Variants in CDH11 observed in about 807,000 individuals in gnomAD.
CDH11 encodes cadherin-11.
A neutral mutation model predicts 67.8 loss-of-function variants in CDH11; 11 were observed. That is an observed-to-expected ratio of 0.16 (90% CI 0.10 to 0.27). The LOEUF is 0.27. Ranked by LOEUF, CDH11 falls within the 10% of genes least tolerant of loss-of-function variation. CDH11 has a pLI of 1.00. For synonymous variants in CDH11, 419 were observed against 400.0 expected (o/e 1.05, Z -0.57); for missense variants, 847 against 1,031.2 (o/e 0.82, Z 2.45).
At chr16:65,023,804 G>A (rs920746088) in intron 2 of CDH11, among the ~76,000 whole-genome samples, 1 of 152,182 alleles carries the variant, frequency 6.6e-6, no homozygotes, top group Non-Finnish European at 1.5e-5. Context: ...GAGCAGTGAG[G>A]ATGACCAGAG....
intron 6 of CDH11, among the ~76,000 whole-genome samples, chr16:64,989,189 G>A (rs1032446550): frequency 1.3e-5 from 2 of 152,104 alleles, no homozygotes; most frequent in African/African-American, 4.8e-5. Context: ...GAGAGTGGGT[G>A]TGTGGTTGTG....
intron 1 of CDH11, among the ~76,000 whole-genome samples, chr16:65,082,066 C>T (rs899730856): frequency 1.3e-5 from 2 of 152,260 alleles, no homozygotes; most frequent in African/African-American, 4.8e-5. Context: ...TGAATTCCTT[C>T]CCAGAGGCCA....
At chr16:65,020,798 TAGAC>T (rs941057674) in intron 2 of CDH11, among the ~76,000 whole-genome samples, 4 of 152,160 alleles carry the variant, frequency 2.6e-5, no homozygotes, top group Non-Finnish European at 5.9e-5. Context: ...CAAATACAAA[TAGAC>T]AGAAGAAGAT....
chr16:65,004,570 C>G, intron 3 of CDH11, 72 bp downstream of exon 3: 1 of 1,484,204 alleles, frequency 6.7e-7, no homozygotes, highest in Non-Finnish European at 9.0e-7. Context: ...GGGCCTTTTG[C>G]TTCTTTCTGG....
chr16:65,112,069 C>CAAAA (rs35671651), intron 1 of CDH11, among the ~76,000 whole-genome samples: 4 of 91,270 alleles, frequency 4.4e-5, no homozygotes, highest in African/African-American at 8.7e-5. Context: ...GACTCTGTCT[C>CAAAA]AAAAAAAAAA....
intron 2 of CDH11, among the ~76,000 whole-genome samples, chr16:65,008,201 T>G (rs1287339472): frequency 6.6e-6 from 1 of 152,250 alleles, no homozygotes; most frequent in Non-Finnish European, 1.5e-5. Flanking sequence ...TTTTCTTTTA[T>G]AAAAAATGTC....
intron 1 of CDH11, among the ~76,000 whole-genome samples, chr16:65,078,772 T>C (rs371657373): frequency 1.3e-5 from 2 of 152,196 alleles, no homozygotes; most frequent in South Asian, 2.1e-4. Context: ...CTAGACAGAC[T>C]CCAGATCCTC....
At chr16:65,042,213 A>G (rs959784474) in intron 2 of CDH11, among the ~76,000 whole-genome samples, 39 of 152,224 alleles carry the variant, frequency 2.6e-4, no homozygotes, top group African/African-American at 9.4e-4. Context: ...TAAACTTCAC[A>G]GGGCTTAGAA....
At chr16:64,954,397 T>C (rs2071446908) in intron 11 of CDH11, among the ~76,000 whole-genome samples, 1 of 152,208 alleles carries the variant, frequency 6.6e-6, no homozygotes, top group South Asian at 2.1e-4. Flanking sequence ...ACTTTTCCCA[T>C]CTAGAGCCCC....
intron 2 of CDH11, among the ~76,000 whole-genome samples, chr16:65,049,106 G>T (rs2074012998): frequency 6.6e-6 from 1 of 152,058 alleles, no homozygotes; most frequent in Non-Finnish European, 1.5e-5. Context: ...TCATTATTTT[G>T]GTGATGGGTG....
rs891067381 is a variant in CDH11 at position 65,121,564 on chromosome 16, G to C, written c.-298+316C>G. ...GCTCTGCAGTCTCTTGCCCCAGCCAGGTACAAACCCCCTCTGCTGTGGCCT... is the reference window on the plus strand; with the variant it reads ...GCTCTGCAGTCTCTTGCCCCAGCCACGTACAAACCCCCTCTGCTGTGGCCT... On this transcript the variant is annotated intron_variant, in intron 1 of 12. Coordinates refer to ENST00000268603, the MANE Select transcript of CDH11 (RefSeq NM_001797.4). This position sits in a 1 kb window ranked among gnomAD's most constrained non-coding sequence, Gnocchi z 4.1. 2.4e-4 allele frequency among the ~76,000 whole-genome samples: 37 copies of C among 152,186 alleles called. No individual in the cohort carries two copies.
At chr16:64,981,122 T>TCCC (rs753246536) in intron 8 of CDH11, 3 of 127,636 alleles carry the variant, frequency 2.4e-5, no homozygotes, top group African/African-American at 8.5e-5. Context: ...TTTTTTTTTT[T>TCCC]TGAGACAGGG....
At chr16:65,072,505 G>A (rs2074435381) in intron 1 of CDH11, among the ~76,000 whole-genome samples, 2 of 151,970 alleles carry the variant, frequency 1.3e-5, no homozygotes, top group Non-Finnish European at 2.9e-5. Context: ...GCATCTTCTT[G>A]TCCAATTTTT....
At chr16:65,033,398 T>TTCTGA (rs2073685571) in intron 2 of CDH11, among the ~76,000 whole-genome samples, 1 of 152,194 alleles carries the variant, frequency 6.6e-6, no homozygotes, top group South Asian at 2.1e-4. Flanking sequence ...ATGATGAAGC[T>TTCTGA]ACATTCATTT....
intron 7 of CDH11, among the ~76,000 whole-genome samples, chr16:64,984,090 T>C (rs540625742): frequency 5.9e-5 from 9 of 152,310 alleles, no homozygotes; most frequent in African/African-American, 1.9e-4. Flanking sequence ...GGATGTACTT[T>C]CCCAGTTTGG....
chr16:65,105,444 C>T (rs1419810372), intron 1 of CDH11, among the ~76,000 whole-genome samples: 1 of 152,178 alleles, frequency 6.6e-6, no homozygotes, highest in Non-Finnish European at 1.5e-5. Context: ...CCTCCCAGGG[C>T]AACAGTCACA....
intron 2 of CDH11, among the ~76,000 whole-genome samples, chr16:65,047,058 G>A (rs1308155255): frequency 2.6e-5 from 4 of 152,194 alleles, no homozygotes; most frequent in Non-Finnish European, 5.9e-5. Flanking sequence ...AAGTTGCAGT[G>A]AGCCAAGACT....
At chr16:64,988,507 A>G (rs994086674) in intron 6 of CDH11, among the ~76,000 whole-genome samples, 163 bp from the exon 7 acceptor site, 2 of 152,308 alleles carry the variant, frequency 1.3e-5, no homozygotes, top group East Asian at 1.9e-4. Flanking sequence ...AGGATCCCAC[A>G]TGGCCTGCTT....
At chr16:65,109,628 T>C (rs766793684) in intron 1 of CDH11, among the ~76,000 whole-genome samples, 1 of 152,006 alleles carries the variant, frequency 6.6e-6, no homozygotes, top group Non-Finnish European at 1.5e-5. Context: ...ATGCCGAGAG[T>C]TCCTATGTAT....
Sources: allele counts gnomAD v4.1 joint callset (sites outside exome capture counted in the v4.1 genomes callset), GRCh38; gene constraint gnomAD v4.1.1; non-coding constraint Gnocchi (gnomAD v3.1); transcripts MANE v1.5; gene names NCBI Gene and HGNC (gene_info 2026-07-23, HGNC 2026-07-21).